Variants in KCTD17 observed in about 807,000 individuals in gnomAD.
KCTD17 encodes the protein potassium channel tetramerization domain containing 17, also known as BTB/POZ domain-containing protein KCTD17.
KCTD17 carries 20 observed loss-of-function variants against 41.5 expected under a neutral mutation model. That is an observed-to-expected ratio of 0.48 (90% CI 0.34 to 0.70). The LOEUF is 0.70. Ranked by LOEUF, KCTD17 falls within the 30% of genes least tolerant of loss-of-function variation. The pLI is 0.01. For synonymous variants in KCTD17, 156 were observed against 173.8 expected, an observed-to-expected ratio of 0.90 and a Z score of 0.80; for missense variants, 317 against 427.2, an observed-to-expected ratio of 0.74 and a Z score of 2.27.
chr22:37,062,493 A>C (rs1276049565), intron 8 of KCTD17, 32 bp from the exon 9 acceptor site: 10 of 1,171,168 alleles, frequency 8.5e-6, no homozygotes, highest in South Asian at 7.1e-5. Flanking sequence ...CGCCCCTCCC[A>C]TCCTCCTGCC....
rs577803443 is a variant in KCTD17 at position 37,059,348 on chromosome 22, C to G, written c.522C>G (p.Ser174Arg). 1.2e-6 allele frequency: 2 copies of G among 1,613,198 alleles called. No individual in the cohort carries two copies. Among genetic ancestry groups the G allele is most frequent in the South Asian group, 2.2e-5 (2 of 91,078 alleles). ...TCGGCTCCTCCTACAACTACGGCAG[C>G]GAGGACCAGGCAGAGTTCCTGTGTG... ...VNIGSSYNYG[S>R]EDQAEFLCVV... Residue 174 changes from serine to arginine, a missense_variant, in exon 5 of 9, where the codon AGC becomes AGG. Physicochemically the swap from Ser to Arg is moderately radical, Grantham distance 110. Transcript: ENST00000403888.
In KCTD17 at chr22:37,061,264, C is replaced by G; in HGVS notation, c.784+89C>G. ...CTCTCTGCCCCTGTCCGGGTTTTCTCTCTGCCTGCTCACGCCTCCATCCCG... is the reference window on the plus strand; with the variant it reads ...CTCTCTGCCCCTGTCCGGGTTTTCTGTCTGCCTGCTCACGCCTCCATCCCG... On this transcript the variant is annotated intron_variant, in intron 7 of 8. Transcript: ENST00000403888. The surrounding 1 kb of genome is among the most constrained non-coding windows in gnomAD (Gnocchi z 6.6). The G allele has an allele frequency of 1.9e-6, 3 of 1,541,638 alleles. No homozygotes were observed. The South Asian group carries it at 3.6e-5, about 18-fold the overall frequency.
At position 37,061,611 on chromosome 22, in the gene KCTD17, C is replaced by G; in HGVS notation, c.857C>G (p.Pro286Arg). The change falls in exon 8 of 9, where the codon CCC (proline) becomes CGC (arginine). Residue 286 changes from proline (P) to arginine (R), a missense_variant. Around this residue, in one of 4 missense-constraint regions of KCTD17, gnomAD observed 177 missense variants for 194.4 expected, o/e 0.91. Coordinates refer to ENST00000403888, the MANE Select transcript of KCTD17 (RefSeq NM_001282684.2). The surrounding 1 kb of genome is among the most constrained non-coding windows in gnomAD (Gnocchi z 6.6). ...VRASPRPLAR[P>R]QSCHPCCYKP... ...GCTTCTCCTCGGCCCCTCGCCCGCCCCCAGAGCTGCCATCCCTGGTTTGTA... is the reference window on the plus strand; with the variant it reads ...GCTTCTCCTCGGCCCCTCGCCCGCCGCCAGAGCTGCCATCCCTGGTTTGTA... 1 of 1,598,920 alleles carries G rather than the reference C, an allele frequency of 6.3e-7. No individual in the cohort carries two copies. Among genetic ancestry groups the G allele is most frequent in the Non-Finnish European group, 8.5e-7 (1 of 1,179,050 alleles).
chr22:37,054,270 G>A (rs1392712351), intron 2 of KCTD17, among the ~76,000 whole-genome samples: 1 of 152,174 alleles, frequency 6.6e-6, no homozygotes, highest in Non-Finnish European at 1.5e-5. Flanking sequence ...AGGCCCCATC[G>A]GGAGGGAAGT....
In KCTD17 at chr22:37,061,623, A is replaced by G; in HGVS notation, c.869A>G (p.His290Arg). Residue 290 changes from histidine (H) to arginine (R), a missense_variant, in exon 8 of 9, where the codon CAT (histidine) becomes CGT (arginine). This residue lies in a region of KCTD17 where 177 missense variants were observed against 194.4 expected (regional missense o/e 0.91). Coordinates refer to ENST00000403888, the MANE Select transcript of KCTD17 (RefSeq NM_001282684.2). This position sits in a 1 kb window ranked among gnomAD's most constrained non-coding sequence, Gnocchi z 6.6. ...PRPLARPQSCHPCCYKPEAPG... is the reference protein window; with the variant it reads ...PRPLARPQSCRPCCYKPEAPG... The stretch of plus-strand genomic sequence containing the variant: ...CCCCTCGCCCGCCCCCAGAGCTGCC[A>G]TCCCTGGTTTGTAGCTTGGCGGTGC... 6.3e-7 allele frequency: 1 copy of G among 1,597,518 alleles called. No individual in the cohort carries two copies. Among genetic ancestry groups the G allele is most frequent in the Non-Finnish European group, 8.5e-7 (1 of 1,178,482 alleles).
At chr22:37,055,390 T>G (rs780203673) in intron 2 of KCTD17, 6 of 152,220 alleles carry the variant, frequency 3.9e-5, no homozygotes, top group Non-Finnish European at 8.8e-5. Flanking sequence ...CCCTGGGGAC[T>G]CTACCCCCAT....
intron 3 of KCTD17, 62 bp from the exon 4 acceptor site, chr22:37,057,336 T>C: frequency 7.6e-7 from 1 of 1,307,976 alleles, no homozygotes; most frequent in Non-Finnish European, 1.1e-6. Flanking sequence ...CAGGTGCTCA[T>C]GCCCCTCCTG....
chr22:37,053,113 C>T lies in KCTD17; in HGVS notation c.203C>T (p.Ala68Val). ...ELQSDRDETG[A>V]YLIDRDPTYF... is the part of the protein sequence containing the mutation. ...TCACCTCCATAGGATGAGACCGGGGCCTACCTCATTGACCGTGACCCCACC... is the reference window on the plus strand; with the variant it reads ...TCACCTCCATAGGATGAGACCGGGGTCTACCTCATTGACCGTGACCCCACC... Residue 68 changes from alanine (A) to valine (V), a missense_variant, in exon 2 of 9, where the codon GCC becomes GTC. Ala to Val is a moderately conservative substitution (Grantham distance 64, BLOSUM62 0). Around this residue, in one of 4 missense-constraint regions of KCTD17, gnomAD observed 99 missense variants for 166.5 expected, o/e 0.59. Coordinates refer to ENST00000403888, the MANE Select transcript of KCTD17 (RefSeq NM_001282684.2). The surrounding 1 kb of genome is among the most constrained non-coding windows in gnomAD (Gnocchi z 4.1). 2 of 1,591,740 alleles carry T rather than the reference C, an allele frequency of 1.3e-6. No individual in the cohort carries two copies. Among genetic ancestry groups the T allele is most frequent in the Non-Finnish European group, 1.7e-6 (2 of 1,169,176 alleles).
Position 37,051,918 on chromosome 22 carries a change from T to G in KCTD17, c.158T>G (p.Leu53Arg). ...CREQKSFLSR[L>R]CQGEELQSDR... ...GAGCAGAAGTCCTTCCTCAGCCGCC[T>G]GTGCCAGGGGGAAGAGCTGCAGTCG... The change falls in exon 1 of 9, where the codon CTG (leucine) becomes CGG (arginine). Residue 53 changes from leucine (L) to arginine (R), a missense_variant. Coordinates refer to ENST00000403888, the MANE Select transcript of KCTD17 (RefSeq NM_001282684.2). The G allele has an allele frequency of 6.7e-7, 1 of 1,500,536 alleles. No homozygotes were observed. 93.0% of individuals were successfully genotyped at this position (1,500,536 alleles called of 1,614,324 possible). A position where few individuals can be genotyped will look rare whatever the true frequency, so the allele number is the denominator to read the frequency against.
chr22:37,061,313 C>T lies in KCTD17; in HGVS notation c.784+138C>T, dbSNP rs567079080. On this transcript the variant is annotated intron_variant, in intron 7 of 8. Transcript: ENST00000403888. This position sits in a 1 kb window ranked among gnomAD's most constrained non-coding sequence, Gnocchi z 6.6. ...CGGGTCTGCCCTGGTCCCAGCCTCC[C>T]GTGCCCTCCACCCAGGCCCCCTGGC... The T allele has an allele frequency of 9.3e-6, 14 of 1,510,412 alleles. No homozygotes were observed. Among genetic ancestry groups the T allele is most frequent in the Middle Eastern group, 1.7e-4 (1 of 5,820 alleles). The allele number at this position is 1,510,412 out of a possible 1,614,324, so 93.6% of individuals were successfully genotyped here.
intron 1 of KCTD17, 49 bp downstream of exon 1, chr22:37,051,998 C>G: frequency 7.4e-7 from 1 of 1,347,012 alleles, no homozygotes; most frequent in Non-Finnish European, 9.6e-7. Context: ...CCTCCGCTCG[C>G]CCGACGCGGG....
At chr22:37,059,084 C>A (rs1925466154) in intron 4 of KCTD17, among the ~76,000 whole-genome samples, 1 of 152,162 alleles carries the variant, frequency 6.6e-6, no homozygotes, top group Non-Finnish European at 1.5e-5. Flanking sequence ...GCCAGCCAAG[C>A]CAGGCGGAGG....
Position 37,061,419 on chromosome 22 carries a change from G to A in KCTD17, c.785-120G>A, listed in dbSNP as rs982905169. 7.7e-5 allele frequency: 114 copies of A among 1,477,294 alleles called. No individual in the cohort carries two copies. The highest frequency in any genetic ancestry group is 3.0e-4 in the South Asian group (22 of 74,182). The allele number at this position is 1,477,294 out of a possible 1,614,324, so 91.5% of individuals were successfully genotyped here. On this transcript the variant is annotated intron_variant, in intron 7 of 8. Coordinates refer to ENST00000403888, the MANE Select transcript of KCTD17 (RefSeq NM_001282684.2). The surrounding 1 kb of genome is among the most constrained non-coding windows in gnomAD (Gnocchi z 6.6). ...GCCTCCCAGCCTGGGGAGGAGGGGC[G>A]CAGCTGCACCTCCTCTGTGCCCACT...
intron 5 of KCTD17, among the ~76,000 whole-genome samples, chr22:37,059,761 T>A (rs544307413): frequency 6.6e-6 from 1 of 152,202 alleles, no homozygotes; most frequent in Non-Finnish European, 1.5e-5. Context: ...TCTGTGTGAC[T>A]TAGGACAGGG....
chr22:37,057,035 G>C (rs984084404), intron 3 of KCTD17, among the ~76,000 whole-genome samples: 1 of 152,144 alleles, frequency 6.6e-6, no homozygotes, highest in Admixed American at 6.5e-5. Context: ...GACTCCTTGA[G>C]GGTGACCCAG....
chr22:37,052,479 C>T (rs998458564), intron 1 of KCTD17: 2 of 458,564 alleles, frequency 4.4e-6, no homozygotes, highest in South Asian at 3.1e-5. Context: ...TTGAGTCGGA[C>T]CCTTCCCTGC....
Position 37,060,804 on chromosome 22 carries a change from T to C in KCTD17, c.613-19T>C. On this transcript the variant is annotated intron_variant, in intron 5 of 8. Transcript: ENST00000403888. Reference sequence around the variant, plus strand: ...GTGTCTCCACTCTTTCTTCCCTGGGTCCGCCGGCTGGTTCACAGAGCACGG... The same window carrying C: ...GTGTCTCCACTCTTTCTTCCCTGGGCCCGCCGGCTGGTTCACAGAGCACGG... 6.8e-7 allele frequency: 1 copy of C among 1,472,072 alleles called. No individual in the cohort carries two copies. The highest frequency in any genetic ancestry group is 9.0e-7 in the Non-Finnish European group (1 of 1,109,274). 91.2% of individuals were successfully genotyped at this position (1,472,072 alleles called of 1,614,324 possible).
intron 2 of KCTD17, among the ~76,000 whole-genome samples, chr22:37,056,010 T>C (rs1925061592): frequency 1.3e-5 from 2 of 152,164 alleles, no homozygotes; most frequent in African/African-American, 4.8e-5. Flanking sequence ...ATTCTGGGGA[T>C]CAGTCCCAAT....
chr22:37,059,285 T>C (rs1410023754), intron 4 of KCTD17, 28 bp from the exon 5 acceptor site: 7 of 1,609,724 alleles, frequency 4.3e-6, no homozygotes, highest in Non-Finnish European at 5.9e-6. Flanking sequence ...CCAACCTGCA[T>C]TTTTCTCCCC....
Sources: gnomAD v4.1 joint callset for allele counts (sites outside exome capture counted in the v4.1 genomes callset) on GRCh38, gnomAD v4.1.1 for gene constraint, gnomAD v4.1.1 regional missense constraint, Gnocchi (gnomAD v3.1) non-coding constraint, MANE v1.5 for transcripts, NCBI Gene and HGNC (gene_info 2026-07-23, HGNC 2026-07-21) for gene names.